Variants in PRP4K observed in about 807,000 individuals in gnomAD.
The protein encoded by PRP4K is serine/threonine-protein kinase PRP4 homolog.
the PRP4K span, chr6:4,051,964 A>T: frequency 1.9e-6 from 3 of 1,556,036 alleles, no homozygotes; most frequent in Non-Finnish European, 2.6e-6. Context: ...TAGGCAAAAG[A>T]CTGGTTTAAA....
chr6:4,031,620 C>A, the PRP4K span: 1 of 1,590,222 alleles, frequency 6.3e-7, no homozygotes, highest in Middle Eastern at 1.7e-4. Flanking sequence ...ATCAGAAGAC[C>A]AGTCTCAAAA....
chr6:4,045,097 G>A, the PRP4K span, among the ~76,000 whole-genome samples: 4,701 of 151,998 alleles, frequency 0.031, 156 homozygotes, highest in Non-Finnish European at 0.038. Flanking sequence ...TCCTGACCTC[G>A]TGATCTGCCT....
chr6:4,042,435 A>T, the PRP4K span: 1 of 1,366,570 alleles, frequency 7.3e-7, no homozygotes, highest in African/African-American at 1.5e-5. Context: ...TTTAAAATGT[A>T]TAAGGGGTAT....
the PRP4K span, among the ~76,000 whole-genome samples, chr6:4,035,757 C>T: frequency 6.6e-6 from 1 of 152,042 alleles, no homozygotes; most frequent in Non-Finnish European, 1.5e-5. Context: ...CACCTGAGGT[C>T]AGGAGTTCGA....
the PRP4K span, among the ~76,000 whole-genome samples, chr6:4,025,226 A>G: frequency 6.6e-6 from 1 of 152,248 alleles, no homozygotes; most frequent in South Asian, 2.1e-4. Context: ...TGAAATATAT[A>G]TGGCCTATAT....
At chr6:4,042,603 A>G in the PRP4K span, 1 of 1,541,804 alleles carries the variant, frequency 6.5e-7, no homozygotes, top group Non-Finnish European at 8.8e-7. Context: ...CCATTATTGT[A>G]GTAAAAGATT....
the PRP4K span, among the ~76,000 whole-genome samples, chr6:4,045,358 G>A: frequency 0.083 from 12,694 of 152,150 alleles, 607 homozygotes; most frequent in Non-Finnish European, 0.098. Context: ...ACCGACTCCT[G>A]CTCTAGCAAG....
the PRP4K span, among the ~76,000 whole-genome samples, chr6:4,026,451 C>T: frequency 6.6e-6 from 1 of 151,860 alleles, no homozygotes; most frequent in Admixed American, 6.6e-5. Flanking sequence ...TACAGGCATC[C>T]GCCATTATGC....
At chr6:4,051,827 A>G in the PRP4K span, 532 of 564,926 alleles carry the variant, frequency 9.4e-4, 2 homozygotes, top group South Asian at 3.8e-3. Flanking sequence ...TAGATTTATT[A>G]GTACTTAAAA....
chr6:4,025,970 T>G, the PRP4K span, among the ~76,000 whole-genome samples: 10 of 152,278 alleles, frequency 6.6e-5, no homozygotes, highest in African/African-American at 2.4e-4. Flanking sequence ...CTATAATAGA[T>G]AGTGTAAATC....
chr6:4,045,835 A>G, the PRP4K span, among the ~76,000 whole-genome samples: 1 of 152,214 alleles, frequency 6.6e-6, no homozygotes, highest in Non-Finnish European at 1.5e-5. Flanking sequence ...TATGCCACAA[A>G]TTTGATAGGC....
the PRP4K span, chr6:4,057,146 C>T: frequency 1.2e-4 from 187 of 1,613,136 alleles, 1 homozygote; most frequent in East Asian, 3.4e-3. Context: ...TAACCATATG[C>T]TGAAGCTTGC....
chr6:4,050,481 C>T, the PRP4K span: 1 of 258,224 alleles, frequency 3.9e-6, no homozygotes, highest in Admixed American at 5.0e-5. Context: ...TGTCTTATGC[C>T]GTCCTTTGCT....
chr6:4,021,388 G>A, the PRP4K span: 1 of 1,561,734 alleles, frequency 6.4e-7, no homozygotes, highest in Non-Finnish European at 8.7e-7. Flanking sequence ...CCGTCCGGGA[G>A]CCGCCGCCAC....
the PRP4K span, among the ~76,000 whole-genome samples, chr6:4,044,841 T>C: frequency 2.1e-5 from 3 of 140,074 alleles, no homozygotes; most frequent in East Asian, 2.1e-4. Context: ...ACAGACAATA[T>C]ATGGTTATTA....
chr6:4,058,724 G>T, the PRP4K span: 1 of 1,611,392 alleles, frequency 6.2e-7, no homozygotes, highest in Non-Finnish European at 8.5e-7. Context: ...GTTTTGTTTT[G>T]TAGATGATTC....
At chr6:4,049,470 C>T in the PRP4K span, 1 of 481,484 alleles carries the variant, frequency 2.1e-6, no homozygotes. Context: ...TCATGCGGGA[C>T]TACAATTGGA....
chr6:4,058,355 T>A, the PRP4K span, among the ~76,000 whole-genome samples: 12 of 152,186 alleles, frequency 7.9e-5, no homozygotes, highest in African/African-American at 2.9e-4. Flanking sequence ...GGAACATAAT[T>A]AGTAAAGTGG....
At chr6:4,048,630 ACAT>A in the PRP4K span, among the ~76,000 whole-genome samples, 2 of 151,930 alleles carry the variant, frequency 1.3e-5, no homozygotes, top group Non-Finnish European at 2.9e-5. Flanking sequence ...GTAATTAGTG[ACAT>A]CATGGCTCAC....
Sources: gnomAD v4.1 joint callset for allele counts (sites outside exome capture counted in the v4.1 genomes callset) on GRCh38, gnomAD v4.1.1 for gene constraint, MANE v1.5 for transcripts, NCBI Gene and HGNC (gene_info 2026-07-23, HGNC 2026-07-21) for gene names.